The following ABCA9 variants were observed in gnomAD, a reference collection of about 807,000 sequenced individuals.
The protein encoded by ABCA9 is ATP-binding cassette sub-family A member 9.
In ABCA9, 183 loss-of-function variants were observed where a neutral mutation model predicts 205.3. The ratio of observed to expected loss-of-function variants is 0.89; its 90% CI spans 0.79 to 1.01. The LOEUF is 1.01. Among genes scored for constraint, ABCA9 ranks in the 50% least tolerant of loss-of-function variants. The pLI is 0.00. For missense variants in ABCA9, 1,805 were observed against 1,912.4 expected, an observed-to-expected ratio of 0.94 and a Z score of 1.05; for synonymous variants, 651 against 683.3, an observed-to-expected ratio of 0.95 and a Z score of 0.74.
At position 69,035,387 on chromosome 17, in the gene ABCA9, G is replaced by A; in HGVS notation, c.987C>T (p.Phe329=). 1 of 1,604,006 alleles carries A rather than the reference G, an allele frequency of 6.2e-7. No homozygotes were observed. The highest frequency in any genetic ancestry group is 8.5e-7 in the Non-Finnish European group (1 of 1,175,378). Residue 329 remains phenylalanine (F), a synonymous_variant, in exon 8 of 39, where the codon TTC becomes TTT. Transcript: ENST00000340001. ...FLMSVLIKKP[F]LTGLVVFLLI... ...GGAGAAACACAACCAAGCCCGTAAG[G>A]AAAGGTTTCTTTATCAACACACTCA...
chr17:69,066,277 G>A, the ABCA9 span, among the ~76,000 whole-genome samples: 1 of 152,060 alleles, frequency 6.6e-6, no homozygotes, highest in Non-Finnish European at 1.5e-5. Context: ...TCACCGCTGT[G>A]TACCTCACAG....
intron 25 of ABCA9, among the ~76,000 whole-genome samples, chr17:69,002,478 G>C (rs1390316639): frequency 3.7e-3 from 405 of 108,022 alleles, no homozygotes; most frequent in South Asian, 4.6e-3. Context: ...ACTGTGGTCT[G>C]AGAGATAGTT....
chr17:69,053,020 A>G (rs139912293), intron 1 of ABCA9, among the ~76,000 whole-genome samples: 178 of 152,318 alleles, frequency 1.2e-3, no homozygotes, highest in Non-Finnish European at 2.0e-3. Context: ...TGGGTGCACC[A>G]CATTCCCAGC....
At position 69,032,411 on chromosome 17, in the gene ABCA9, A is replaced by C. The variant is rs2071183528; in HGVS notation, c.1277-135T>G. The C allele has an allele frequency of 1.3e-5, 10 of 791,466 alleles. No homozygotes were observed. The East Asian group carries it at 1.9e-4, about 15-fold the overall frequency. 49.0% of individuals were successfully genotyped at this position (791,466 alleles called of 1,614,324 possible). On this transcript the variant is annotated intron_variant, in intron 9 of 38. Coordinates refer to ENST00000340001, the MANE Select transcript of ABCA9 (RefSeq NM_080283.4). Reference sequence around the variant, plus strand: ...TAAGGTCTGTATTAATTACTGTTTTAATGTGCTTTTGACACACACAGAACA... The same window carrying C: ...TAAGGTCTGTATTAATTACTGTTTTCATGTGCTTTTGACACACACAGAACA...
chr17:69,019,268 CATT>C (rs1317202069), intron 19 of ABCA9, among the ~76,000 whole-genome samples: 2 of 152,112 alleles, frequency 1.3e-5, no homozygotes, highest in African/African-American at 2.4e-5. Context: ...ATTTTGTTGA[CATT>C]ATGTCAATTA....
intron 10 of ABCA9, among the ~76,000 whole-genome samples, chr17:69,030,484 G>T (rs1410378513): frequency 1.3e-5 from 2 of 152,110 alleles, no homozygotes; most frequent in African/African-American, 4.8e-5. Flanking sequence ...TCATTTTAAG[G>T]GTTAGGGTTT....
chr17:69,039,944 C>T (rs1349519087), intron 6 of ABCA9, among the ~76,000 whole-genome samples: 1 of 152,118 alleles, frequency 6.6e-6, no homozygotes, highest in African/African-American at 2.4e-5. Context: ...AGCCAACAAA[C>T]ATATGAAAAA....
At chr17:68,998,366 T>G (rs140780939) in intron 25 of ABCA9, among the ~76,000 whole-genome samples, 1 of 152,214 alleles carries the variant, frequency 6.6e-6, no homozygotes, top group South Asian at 2.1e-4. Flanking sequence ...AGATATAATT[T>G]TGGAAGAGAG....
the ABCA9 span, among the ~76,000 whole-genome samples, chr17:69,066,060 AC>A: frequency 1.3e-5 from 2 of 152,280 alleles, no homozygotes; most frequent in Non-Finnish European, 2.9e-5. Context: ...CTTATAAATT[AC>A]CCAGTCTCAA....
At position 68,984,255 on chromosome 17, in the gene ABCA9, C is replaced by T. The variant is rs1044481515; in HGVS notation, c.4380-80G>A. The T allele has an allele frequency of 3.7e-5, 58 of 1,562,778 alleles. No individual in the cohort carries two copies. The South Asian group carries it at 5.2e-4, about 14-fold the overall frequency. ...AATTTTAAAAAGAAGTTTCCATCGA[C>T]GCAAAGATGAAACATGCAGCGAATT... On this transcript the variant is annotated intron_variant, in intron 34 of 38. Coordinates refer to ENST00000340001, the MANE Select transcript of ABCA9 (RefSeq NM_080283.4).
chr17:68,986,156 C>A lies in ABCA9; in HGVS notation c.4208+8G>T. On this transcript the variant is annotated splice_region_variant and intron_variant, in intron 32 of 38. Coordinates refer to ENST00000340001, the MANE Select transcript of ABCA9 (RefSeq NM_080283.4). Reference sequence around the variant, plus strand: ...CAGCAAAGGGGAGTGCCCCCCAGTCCCAGGTACCGTGTGATGGCGATCATT... The same window carrying A: ...CAGCAAAGGGGAGTGCCCCCCAGTCACAGGTACCGTGTGATGGCGATCATT... 1.9e-6 allele frequency: 3 copies of A among 1,601,988 alleles called. No homozygotes were observed. Among genetic ancestry groups the A allele is most frequent in the Non-Finnish European group, 2.6e-6 (3 of 1,173,956 alleles).
chr17:69,039,193 CA>C (rs1016899187), intron 6 of ABCA9, among the ~76,000 whole-genome samples: 1 of 152,096 alleles, frequency 6.6e-6, no homozygotes, highest in African/African-American at 2.4e-5. Flanking sequence ...TGACTTTCTT[CA>C]TAGAATTAGA....
At chr17:68,994,572 T>A (rs1361062675) in intron 26 of ABCA9, among the ~76,000 whole-genome samples, 2 of 152,176 alleles carry the variant, frequency 1.3e-5, no homozygotes, top group Non-Finnish European at 2.9e-5. Flanking sequence ...TCACATCTTT[T>A]TTTCTCCAAA....
intron 15 of ABCA9, 124 bp downstream of exon 15, chr17:69,026,852 G>T: frequency 5.8e-6 from 7 of 1,216,066 alleles, no homozygotes; most frequent in Non-Finnish European, 7.9e-6. Context: ...AAATGAGTAA[G>T]AGCAAAATTC....
chr17:69,019,028 T>G (rs2070730561), intron 19 of ABCA9, among the ~76,000 whole-genome samples: 1 of 152,126 alleles, frequency 6.6e-6, no homozygotes, highest in African/African-American at 2.4e-5. Context: ...TCAATCATTT[T>G]CCACCCATTT....
chr17:69,032,268 C>T lies in ABCA9; in HGVS notation c.1285G>A (p.Gly429Arg). 1.2e-6 allele frequency: 2 copies of T among 1,613,062 alleles called. No individual in the cohort carries two copies. Among genetic ancestry groups the T allele is most frequent in the Non-Finnish European group, 1.7e-6 (2 of 1,179,482 alleles). Residue 429 changes from glycine to arginine, a missense_variant, in exon 10 of 39, where the codon GGA becomes AGA. Transcript: ENST00000340001. The part of the protein sequence containing the change: ...YFDKILPAEY[G>R]HRCSPLFFLK... Reference sequence around the variant, plus strand: ...AAAAACAAGGGAGAACATCGATGTCCATATTCAGCTATGTGAGCAGGAGGC... The same window carrying T: ...AAAAACAAGGGAGAACATCGATGTCTATATTCAGCTATGTGAGCAGGAGGC...
chr17:68,985,258 C>T (rs930442532), intron 32 of ABCA9, 130 bp from the exon 33 acceptor site: 2 of 1,116,838 alleles, frequency 1.8e-6, no homozygotes, highest in African/African-American at 3.1e-5. Flanking sequence ...AAAATTTAAA[C>T]CACCTAGGTA....
chr17:69,077,676 C>A, the ABCA9 span, among the ~76,000 whole-genome samples: 1 of 152,104 alleles, frequency 6.6e-6, no homozygotes, highest in African/African-American at 2.4e-5. Flanking sequence ...TTTTAAGAAT[C>A]TGGGTGCTCC....
At chr17:68,998,274 T>G (rs956185291) in intron 25 of ABCA9, among the ~76,000 whole-genome samples, 1 of 152,244 alleles carries the variant, frequency 6.6e-6, no homozygotes, top group Non-Finnish European at 1.5e-5. Context: ...CCAACTAATA[T>G]TTTTCAGTAG....
Sources: gnomAD v4.1 joint callset for allele counts (sites outside exome capture counted in the v4.1 genomes callset) on GRCh38, gnomAD v4.1.1 for gene constraint, MANE v1.5 for transcripts, NCBI Gene and HGNC (gene_info 2026-07-23, HGNC 2026-07-21) for gene names.